Variants in AGBL4 observed in about 807,000 individuals in gnomAD.
AGBL4 encodes the protein cytosolic carboxypeptidase 6.
Under a neutral mutation model 66.4 loss-of-function variants are expected in AGBL4, and 58 were observed. That is an observed-to-expected ratio of 0.87 (90% CI 0.71 to 1.09). AGBL4 has a LOEUF of 1.09. Among genes scored for constraint, AGBL4 ranks in the 50% least tolerant of loss-of-function variants. AGBL4 has a pLI of 0.00. For missense variants in AGBL4, 579 were observed against 631.0 expected (o/e 0.92, Z 0.88); for synonymous variants, 234 against 222.9 (o/e 1.05, Z -0.44).
chr1:49,915,542 C>T (rs889656279), intron 1 of AGBL4, among the ~76,000 whole-genome samples: 12 of 152,290 alleles, frequency 7.9e-5, no homozygotes, highest in Admixed American at 1.3e-4. Context: ...GGGGAAGGGG[C>T]ACCCGCCATT....
chr1:49,485,054 C>G (rs547196849), intron 3 of AGBL4, among the ~76,000 whole-genome samples: 1 of 151,902 alleles, frequency 6.6e-6, no homozygotes, highest in African/African-American at 2.4e-5. Context: ...TGTGGCGATT[C>G]CTCAGGGATC....
chr1:49,544,150 A>C (rs1226426237), intron 3 of AGBL4, among the ~76,000 whole-genome samples: 1 of 152,100 alleles, frequency 6.6e-6, no homozygotes, highest in Non-Finnish European at 1.5e-5. Context: ...TGCTTTAGGA[A>C]CTGTGCTCAA....
chr1:49,363,768 T>C (rs1054764207), intron 3 of AGBL4, among the ~76,000 whole-genome samples: 3 of 152,208 alleles, frequency 2.0e-5, no homozygotes, highest in Non-Finnish European at 4.4e-5. Flanking sequence ...TTCTCATTTA[T>C]TCATTCATTC....
At chr1:49,491,905 C>T (rs1647192441) in intron 3 of AGBL4, among the ~76,000 whole-genome samples, 1 of 151,722 alleles carries the variant, frequency 6.6e-6, no homozygotes, top group African/African-American at 2.4e-5. Context: ...TTATGTTTTC[C>T]CAATACATAC....
chr1:48,761,326 G>C, intron 6 of AGBL4: 1 of 1,542,006 alleles, frequency 6.5e-7, no homozygotes, highest in Non-Finnish European at 8.7e-7. Context: ...AGAAAGGAAA[G>C]ATTTTGTTAC....
chr1:49,204,144 G>A lies in AGBL4; in HGVS notation c.377+41626C>T, dbSNP rs181918017. On this transcript the variant is annotated intron_variant, in intron 4 of 13. Transcript: ENST00000371839. ...CAAGTAGGAGACAGACTTGTGGACTGAGGGGACTGTATGCAGTTTACTGTT... is the reference window on the plus strand; with the variant it reads ...CAAGTAGGAGACAGACTTGTGGACTAAGGGGACTGTATGCAGTTTACTGTT... Among the ~76,000 whole-genome samples the A allele has an allele frequency of 9.9e-4, 150 of 152,256 alleles. 1 individual carries two copies. In the Middle Eastern group the frequency reaches 0.014, roughly 14 times the overall value.
At chr1:49,577,648 G>T (rs1355295805) in intron 3 of AGBL4, among the ~76,000 whole-genome samples, 1 of 152,296 alleles carries the variant, frequency 6.6e-6, no homozygotes, top group Middle Eastern at 3.4e-3. Context: ...CCACCGTCAT[G>T]GTATTCCACA....
chr1:49,643,393 AAT>A (rs1645822955), intron 3 of AGBL4, among the ~76,000 whole-genome samples: 1 of 151,778 alleles, frequency 6.6e-6, no homozygotes, highest in South Asian at 2.1e-4. Flanking sequence ...TCACAAAGGA[AAT>A]GGAAGAGAGA....
chr1:48,582,653 T>C (rs931767299), intron 11 of AGBL4, among the ~76,000 whole-genome samples: 89 of 152,214 alleles, frequency 5.8e-4, no homozygotes, highest in African/African-American at 2.1e-3. Flanking sequence ...TGCCAGGCAG[T>C]ACCAGGAGAA....
At chr1:49,552,468 C>T (rs1653043407) in intron 3 of AGBL4, among the ~76,000 whole-genome samples, 1 of 152,204 alleles carries the variant, frequency 6.6e-6, no homozygotes, top group Non-Finnish European at 1.5e-5. Context: ...AGCGAGCTCC[C>T]AGGGCCTTTC....
intron 5 of AGBL4, among the ~76,000 whole-genome samples, chr1:48,934,411 C>T (rs1223971139): frequency 2.6e-5 from 4 of 152,152 alleles, no homozygotes; most frequent in Non-Finnish European, 4.4e-5. Flanking sequence ...TATCACCTTT[C>T]ACTCTCTAAA....
chr1:49,825,404 C>T (rs1324491232), intron 2 of AGBL4, among the ~76,000 whole-genome samples: 2 of 152,078 alleles, frequency 1.3e-5, no homozygotes, highest in Non-Finnish European at 2.9e-5. Context: ...GATACATTAC[C>T]TTATGTAATT....
intron 5 of AGBL4, among the ~76,000 whole-genome samples, chr1:48,868,562 TG>T (rs1317708406): frequency 1.3e-5 from 2 of 152,162 alleles, no homozygotes; most frequent in African/African-American, 2.4e-5. Context: ...AATATGGCAA[TG>T]AATATAAATA....
At chr1:49,441,889 G>T (rs1052140615) in intron 3 of AGBL4, among the ~76,000 whole-genome samples, 1 of 152,110 alleles carries the variant, frequency 6.6e-6, no homozygotes, top group Non-Finnish European at 1.5e-5. Flanking sequence ...AAATGGCCAC[G>T]GTGGCAGGGA....
intron 3 of AGBL4, among the ~76,000 whole-genome samples, chr1:49,632,528 G>T (rs948302626): frequency 2.6e-5 from 4 of 152,126 alleles, no homozygotes; most frequent in African/African-American, 9.7e-5. Flanking sequence ...GTATTTGGAA[G>T]CTCATCTGCC....
chr1:50,010,477 C>CACAG (rs1284708572), intron 1 of AGBL4, among the ~76,000 whole-genome samples: 1 of 151,390 alleles, frequency 6.6e-6, no homozygotes, highest in Admixed American at 6.6e-5. Context: ...CAAACACACA[C>CACAG]ACACACACAC....
At chr1:48,897,796 C>T (rs1335599875) in intron 5 of AGBL4, among the ~76,000 whole-genome samples, 3 of 138,760 alleles carry the variant, frequency 2.2e-5, no homozygotes, top group African/African-American at 7.9e-5. Flanking sequence ...CTGTTCGGAT[C>T]TTTTGCCCAC....
At chr1:48,617,475 G>C (rs1645338135) in intron 9 of AGBL4, among the ~76,000 whole-genome samples, 1 of 152,090 alleles carries the variant, frequency 6.6e-6, no homozygotes, top group African/African-American at 2.4e-5. Context: ...GGTATTCTGA[G>C]GTCCTTTAGA....
intron 6 of AGBL4, among the ~76,000 whole-genome samples, chr1:48,703,502 G>A (rs959104447): frequency 1.3e-5 from 2 of 151,872 alleles, no homozygotes; most frequent in African/African-American, 2.4e-5. Context: ...GTAGGGATGG[G>A]GTATAAAATA....
Sources: gnomAD v4.1 joint callset for allele counts (sites outside exome capture counted in the v4.1 genomes callset) on GRCh38, gnomAD v4.1.1 for gene constraint, MANE v1.5 for transcripts, NCBI Gene and HGNC (gene_info 2026-07-23, HGNC 2026-07-21) for gene names.